CTNNA3: variants seen among roughly 807,000 people sequenced by gnomAD.
CTNNA3 encodes the protein catenin alpha 3, also known as catenin alpha-3.
In CTNNA3, 76 loss-of-function variants were observed where a neutral mutation model predicts 95.7. That is an observed-to-expected ratio of 0.79 (90% CI 0.66 to 0.96). CTNNA3 has a LOEUF of 0.96. Among genes scored for constraint, CTNNA3 ranks in the 40% least tolerant of loss-of-function variants. The pLI is 0.00. For missense variants in CTNNA3, 1,191 were observed against 1,089.8 expected (o/e 1.09, Z -1.31); for synonymous variants, 431 against 374.4 (o/e 1.15, Z -1.74).
At chr10:67,008,580 G>A (rs971325631) in intron 7 of CTNNA3, among the ~76,000 whole-genome samples, 1 of 152,108 alleles carries the variant, frequency 6.6e-6, no homozygotes, top group African/African-American at 2.4e-5. Context: ...GGGCTGGCCT[G>A]GCTCATCTCT....
intron 12 of CTNNA3, among the ~76,000 whole-genome samples, chr10:66,300,967 T>G (rs1183040535): frequency 6.6e-6 from 1 of 151,878 alleles, no homozygotes; most frequent in African/African-American, 2.4e-5. Flanking sequence ...AGATACAAAT[T>G]ACTAATATCA....
chr10:67,654,151 A>C (rs1039269899), intron 1 of CTNNA3, among the ~76,000 whole-genome samples: 12 of 152,088 alleles, frequency 7.9e-5, no homozygotes, highest in African/African-American at 2.9e-4. Flanking sequence ...GGTGAGCTCC[A>C]CCTCCACCAC....
chr10:66,694,004 A>C (rs1400771531), intron 9 of CTNNA3, among the ~76,000 whole-genome samples: 1 of 152,120 alleles, frequency 6.6e-6, no homozygotes, highest in Non-Finnish European at 1.5e-5. Flanking sequence ...CCACAAGAGA[A>C]AGCAGGAAAC....
intron 1 of CTNNA3, among the ~76,000 whole-genome samples, chr10:67,738,346 A>C (rs1036708682): frequency 5.9e-5 from 9 of 152,230 alleles, no homozygotes; most frequent in African/African-American, 2.2e-4. Context: ...ACAGACCTGC[A>C]GCTGAGGAAC....
intron 3 of CTNNA3, among the ~76,000 whole-genome samples, chr10:67,566,460 A>T (rs933638039): frequency 3.3e-5 from 5 of 152,048 alleles, no homozygotes; most frequent in African/African-American, 1.2e-4. Context: ...GCAAATCAAA[A>T]CCACAATGAG....
chr10:66,835,356 T>A (rs1002874541), intron 7 of CTNNA3, among the ~76,000 whole-genome samples: 2 of 152,198 alleles, frequency 1.3e-5, no homozygotes, highest in Non-Finnish European at 2.9e-5. Context: ...TGGGAACTTG[T>A]TTAGAAATGC....
intron 14 of CTNNA3, among the ~76,000 whole-genome samples, chr10:66,101,084 A>T (rs76874533): frequency 2.6e-5 from 4 of 152,204 alleles, no homozygotes; most frequent in Non-Finnish European, 5.9e-5. Context: ...CATCAGCCTG[A>T]GTGAACCACG....
chr10:67,105,797 C>T (rs971129553), intron 7 of CTNNA3, among the ~76,000 whole-genome samples: 2 of 152,148 alleles, frequency 1.3e-5, no homozygotes, highest in African/African-American at 4.8e-5. Context: ...CCCATACCAG[C>T]TCTAGTCTGA....
At chr10:66,259,011 T>TA (rs2090896947) in intron 13 of CTNNA3, among the ~76,000 whole-genome samples, 1 of 152,194 alleles carries the variant, frequency 6.6e-6, no homozygotes, top group African/African-American at 2.4e-5. Context: ...GATTGGTTTC[T>TA]AAAAATCACA....
In CTNNA3 at chr10:66,067,962, G is replaced by T. The variant is rs1564615405; in HGVS notation, c.2159+1346C>A. ...CACTTTATATTATTTCCTTTGGATA[G>T]GTTCCCTGAAGTATAGTACAGATAT... On this transcript the variant is annotated intron_variant, in intron 15 of 17. Transcript: ENST00000433211. Among the ~76,000 whole-genome samples, 4 of 152,038 alleles carry T rather than the reference G, an allele frequency of 2.6e-5. No homozygotes were observed. In the South Asian group the frequency reaches 8.3e-4, roughly 32 times the overall value.
intron 7 of CTNNA3, among the ~76,000 whole-genome samples, chr10:66,917,066 C>T (rs1589421515): frequency 6.6e-6 from 1 of 152,206 alleles, no homozygotes; most frequent in Non-Finnish European, 1.5e-5. Flanking sequence ...CAGTGTGTAG[C>T]TATTTTTATT....
intron 1 of CTNNA3, among the ~76,000 whole-genome samples, chr10:67,692,071 G>A (rs1187567008): frequency 7.0e-6 from 1 of 143,860 alleles, no homozygotes; most frequent in East Asian, 2.1e-4. Flanking sequence ...GGGAGGTGGG[G>A]GGGTCAGCCC....
At chr10:66,547,225 C>T (rs1473081685) in intron 10 of CTNNA3, among the ~76,000 whole-genome samples, 5 of 151,926 alleles carry the variant, frequency 3.3e-5, no homozygotes, top group Non-Finnish European at 4.4e-5. Flanking sequence ...ACACGTCACA[C>T]GACCACTCAT....
At chr10:67,473,833 T>C (rs1451643677) in intron 5 of CTNNA3, among the ~76,000 whole-genome samples, 3 of 152,192 alleles carry the variant, frequency 2.0e-5, no homozygotes, top group African/African-American at 7.2e-5. Flanking sequence ...TATGGGAGGA[T>C]GTGTATAGGC....
At chr10:66,952,236 T>C (rs1049375089) in intron 7 of CTNNA3, among the ~76,000 whole-genome samples, 9 of 152,142 alleles carry the variant, frequency 5.9e-5, no homozygotes, top group African/African-American at 1.9e-4. Context: ...AGAATACTCA[T>C]TGTAATTGAA....
At chr10:67,481,995 T>C (rs1848251155) in intron 5 of CTNNA3, among the ~76,000 whole-genome samples, 1 of 152,094 alleles carries the variant, frequency 6.6e-6, no homozygotes, top group South Asian at 2.1e-4. Context: ...GCACCATTTA[T>C]TAAATAGGGA....
At chr10:67,149,863 C>A (rs1861016347) in intron 7 of CTNNA3, among the ~76,000 whole-genome samples, 1 of 152,308 alleles carries the variant, frequency 6.6e-6, no homozygotes, top group South Asian at 2.1e-4. Flanking sequence ...TCAGCATACC[C>A]TGGCATTTTG....
At chr10:66,748,865 A>G (rs1416390867) in intron 9 of CTNNA3, among the ~76,000 whole-genome samples, 1 of 151,952 alleles carries the variant, frequency 6.6e-6, no homozygotes, top group Non-Finnish European at 1.5e-5. Flanking sequence ...CCCAAAGTCC[A>G]TAGTTTACAT....
At chr10:67,389,549 C>A (rs1844362633) in intron 5 of CTNNA3, among the ~76,000 whole-genome samples, 1 of 151,730 alleles carries the variant, frequency 6.6e-6, no homozygotes, top group Admixed American at 6.6e-5. Flanking sequence ...CAGCTCTGCA[C>A]CAAGCGGACC....
Sources: allele counts gnomAD v4.1 joint callset (sites outside exome capture counted in the v4.1 genomes callset), GRCh38; gene constraint gnomAD v4.1.1; transcripts MANE v1.5; gene names NCBI Gene and HGNC (gene_info 2026-07-23, HGNC 2026-07-21).